Variants in NCALD observed in about 807,000 individuals in gnomAD.
The protein encoded by NCALD is neurocalcin-delta.
NCALD carries 10 observed loss-of-function variants against 18.6 expected under a neutral mutation model. The ratio of observed to expected loss-of-function variants is 0.54; its 90% confidence interval spans 0.33 to 0.91. The LOEUF (loss-of-function observed/expected upper bound fraction) is 0.91, where lower values mean the gene tolerates loss of function less well. NCALD is among the 40% of genes least tolerant of loss of function. NCALD has a pLI of 0.03. For synonymous variants in NCALD, 88 were observed against 87.4 expected (o/e 1.01, Z -0.04); for missense variants, 184 against 247.6 (o/e 0.74, Z 1.72).
At chr8:101,761,393 G>A (rs189920793) in intron 1 of NCALD, among the ~76,000 whole-genome samples, 1 of 152,186 alleles carries the variant, frequency 6.6e-6, no homozygotes, top group African/African-American at 2.4e-5. Flanking sequence ...TGAAGGGCGT[G>A]TGAGCATGGG....
intron 4 of NCALD, among the ~76,000 whole-genome samples, chr8:101,819,493 T>C (rs1169486648): frequency 6.6e-6 from 1 of 152,062 alleles, no homozygotes; most frequent in Non-Finnish European, 1.5e-5. Flanking sequence ...TCACCAGACA[T>C]AGCTTTGCAC....
intron 2 of NCALD, among the ~76,000 whole-genome samples, chr8:101,711,011 A>G (rs1171223437): frequency 6.6e-6 from 1 of 152,132 alleles, no homozygotes; most frequent in Non-Finnish European, 1.5e-5. Context: ...CTTATACAGG[A>G]GAGCTTTGGC....
At chr8:101,692,365 T>C (rs1158675036) in intron 3 of NCALD, 1 of 985,228 alleles carries the variant, frequency 1.0e-6, no homozygotes, top group East Asian at 1.1e-4. Flanking sequence ...AAAACCCCTT[T>C]GGCAGGCTGG....
chr8:101,880,415 G>A (rs1396618215), intron 4 of NCALD, among the ~76,000 whole-genome samples: 3 of 152,156 alleles, frequency 2.0e-5, no homozygotes, highest in Admixed American at 6.5e-5. Flanking sequence ...CAAGCAGAGG[G>A]AGCTGGCTCT....
intron 2 of NCALD, among the ~76,000 whole-genome samples, chr8:101,979,095 C>A (rs1025073060): frequency 6.6e-5 from 10 of 152,068 alleles, no homozygotes; most frequent in African/African-American, 2.2e-4. Flanking sequence ...GAGCCAAACC[C>A]CAGAGAAGCA....
At chr8:101,944,171 C>T (rs1819075629) in intron 2 of NCALD, among the ~76,000 whole-genome samples, 1 of 152,146 alleles carries the variant, frequency 6.6e-6, no homozygotes, top group African/African-American at 2.4e-5. Context: ...AGACTGTTTC[C>T]TCTGAGGAGT....
chr8:102,121,408 G>A (rs1036983791), intron 1 of NCALD, among the ~76,000 whole-genome samples: 8 of 152,130 alleles, frequency 5.3e-5, no homozygotes, highest in African/African-American at 1.9e-4. Flanking sequence ...GGGTGCCTGA[G>A]TCAGAAAAGT....
intron 2 of NCALD, among the ~76,000 whole-genome samples, chr8:101,916,053 TG>T (rs1344822999): frequency 6.6e-6 from 1 of 152,024 alleles, no homozygotes; most frequent in Admixed American, 6.6e-5. Flanking sequence ...TTCAGCAAAA[TG>T]GACTCCCTGA....
At chr8:101,734,483 C>T (rs1183238925) in intron 1 of NCALD, among the ~76,000 whole-genome samples, 2 of 152,216 alleles carry the variant, frequency 1.3e-5, no homozygotes, top group African/African-American at 4.8e-5. Flanking sequence ...TATTGTATCC[C>T]TGGCACCTAA....
intron 1 of NCALD, among the ~76,000 whole-genome samples, chr8:102,027,578 C>T (rs566475232): frequency 6.6e-6 from 1 of 152,286 alleles, no homozygotes; most frequent in African/African-American, 2.4e-5. Context: ...ATCTTCTGAG[C>T]CCTCCAAACT....
chr8:101,796,545 G>A (rs1812645787), intron 4 of NCALD, among the ~76,000 whole-genome samples: 1 of 152,034 alleles, frequency 6.6e-6, no homozygotes, highest in Admixed American at 6.5e-5. Context: ...GAAGGTAAAA[G>A]TACAATAGAT....
intron 2 of NCALD, among the ~76,000 whole-genome samples, chr8:102,012,047 T>C (rs1258638651): frequency 6.6e-6 from 1 of 152,146 alleles, no homozygotes; most frequent in Non-Finnish European, 1.5e-5. Context: ...ATGGCCACTG[T>C]GAGGTGTAAA....
chr8:101,925,836 G>C (rs1211341001), intron 2 of NCALD, among the ~76,000 whole-genome samples: 7 of 152,196 alleles, frequency 4.6e-5, no homozygotes, highest in Admixed American at 4.6e-4. Flanking sequence ...AAGAAGGAAT[G>C]ATTGATTGTC....
At chr8:101,996,156 G>T (rs1821232484) in intron 2 of NCALD, among the ~76,000 whole-genome samples, 1 of 152,204 alleles carries the variant, frequency 6.6e-6, no homozygotes, top group Non-Finnish European at 1.5e-5. Flanking sequence ...AAAGGATGGA[G>T]TAACAAGACT....
intron 3 of NCALD, among the ~76,000 whole-genome samples, chr8:101,910,091 C>T (rs1229520975): frequency 6.6e-6 from 1 of 152,008 alleles, no homozygotes; most frequent in African/African-American, 2.4e-5. Flanking sequence ...TACACTGAGA[C>T]CTCAGTGAGG....
At chr8:102,015,037 A>G (rs1055934828) in intron 2 of NCALD, among the ~76,000 whole-genome samples, 2 of 152,096 alleles carry the variant, frequency 1.3e-5, no homozygotes, top group Non-Finnish European at 2.9e-5. Context: ...AGTTGAGGTG[A>G]TGCTCCCGAG....
chr8:101,836,947 A>C (rs1423360075), intron 4 of NCALD, among the ~76,000 whole-genome samples: 4 of 152,244 alleles, frequency 2.6e-5, no homozygotes, highest in Non-Finnish European at 5.9e-5. Context: ...AAGTTGAATT[A>C]TTCCATATTT....
intron 3 of NCALD, among the ~76,000 whole-genome samples, chr8:101,897,061 G>T: frequency 1.5e-5 from 1 of 68,678 alleles, no homozygotes; most frequent in South Asian, 5.8e-4. Flanking sequence ...AAAGACACAT[G>T]CACACGTATG....
At chr8:101,770,846 A>T (rs1023325896) in intron 1 of NCALD, among the ~76,000 whole-genome samples, 2 of 152,194 alleles carry the variant, frequency 1.3e-5, no homozygotes, top group Admixed American at 6.5e-5. Context: ...ATATAAATAC[A>T]TTTTTTAAAA....
Sources: allele counts gnomAD v4.1 joint callset (sites outside exome capture counted in the v4.1 genomes callset), GRCh38; gene constraint gnomAD v4.1.1; transcripts MANE v1.5; gene names NCBI Gene and HGNC (gene_info 2026-07-23, HGNC 2026-07-21).